Variants in ERBB4 observed in about 807,000 individuals in gnomAD.
The protein encoded by ERBB4 is erb-b2 receptor tyrosine kinase 4, also known as receptor tyrosine-protein kinase erbB-4.
Under a neutral mutation model 158.0 loss-of-function variants are expected in ERBB4, and 42 were observed. The observed-to-expected ratio is 0.27, with a 90% CI of 0.21 to 0.34. The LOEUF is 0.34. Among genes scored for constraint, ERBB4 ranks in the 10% least tolerant of loss-of-function variants. The probability of loss-of-function intolerance (pLI) is 1.00; values close to 1 mark genes in which losing one functional copy is unlikely to be tolerated. For missense variants in ERBB4, 1,333 were observed against 1,624.1 expected (o/e 0.82, Z 3.08); for synonymous variants, 583 against 558.7 (o/e 1.04, Z -0.61).
rs906864097 is a variant in ERBB4, at chr2:211,572,172, T to G, written c.2302-10084A>C. Reference sequence around the variant, plus strand: ...CTGTAAAAATACCGCTTTTTTTAATTAACATATTCTGTTTATGCTACAAAC... The same window carrying G: ...CTGTAAAAATACCGCTTTTTTTAATGAACATATTCTGTTTATGCTACAAAC... On this transcript the variant is annotated intron_variant, in intron 19 of 27. Coordinates refer to ENST00000342788, the MANE Select transcript of ERBB4 (RefSeq NM_005235.3). 2.0e-5 allele frequency among the ~76,000 whole-genome samples: 3 copies of G among 152,310 alleles called. No homozygotes were observed. The South Asian group carries it at 6.2e-4, about 32-fold the overall frequency.
intron 2 of ERBB4, among the ~76,000 whole-genome samples, chr2:212,041,301 C>A (rs2077136239): frequency 6.6e-6 from 1 of 151,820 alleles, no homozygotes; most frequent in Non-Finnish European, 1.5e-5. Context: ...ATAATCTATC[C>A]AGAGGTCTTT....
At chr2:211,462,215 G>T (rs2064553053) in intron 20 of ERBB4, among the ~76,000 whole-genome samples, 1 of 151,856 alleles carries the variant, frequency 6.6e-6, no homozygotes, top group Non-Finnish European at 1.5e-5. Flanking sequence ...AGGGGCAGGG[G>T]TGCTACACAC....
chr2:212,175,127 C>A (rs915094818), intron 1 of ERBB4, among the ~76,000 whole-genome samples: 16 of 152,006 alleles, frequency 1.1e-4, no homozygotes, highest in Non-Finnish European at 2.4e-4. Context: ...CTAAAACTTT[C>A]TTCTAATTTC....
At position 212,322,225 on chromosome 2, in the gene ERBB4, T is replaced by C. The variant is rs182116600; in HGVS notation, c.83-197322A>G. On this transcript the variant is annotated intron_variant, in intron 1 of 27. Coordinates refer to ENST00000342788, the MANE Select transcript of ERBB4 (RefSeq NM_005235.3). ...GGCTTAGGAGAAGACAGAATTGGCC[T>C]GGGTTCTAGACATGTGACTTCGGGC... 1.0e-3 allele frequency among the ~76,000 whole-genome samples: 150 copies of C among 150,566 alleles called. 4 individuals carry two copies. In the East Asian group the frequency reaches 0.021, roughly 21 times the overall value.
intron 3 of ERBB4, among the ~76,000 whole-genome samples, chr2:211,931,718 C>T (rs17414466): frequency 5.3e-5 from 8 of 151,832 alleles, no homozygotes; most frequent in Admixed American, 1.3e-4. Flanking sequence ...AATGAGAATA[C>T]GAATCTTCTG....
chr2:212,380,733 T>C (rs888255266), intron 1 of ERBB4, among the ~76,000 whole-genome samples: 10 of 151,156 alleles, frequency 6.6e-5, no homozygotes, highest in Non-Finnish European at 1.3e-4. Flanking sequence ...TCTTTATCAT[T>C]TATAATTACT....
intron 20 of ERBB4, among the ~76,000 whole-genome samples, chr2:211,507,085 A>G (rs924969823): frequency 6.6e-6 from 1 of 152,184 alleles, no homozygotes; most frequent in African/African-American, 2.4e-5. Flanking sequence ...GAACATGTCT[A>G]TGCACACAAA....
chr2:211,729,346 C>T (rs1464778803), intron 5 of ERBB4, among the ~76,000 whole-genome samples: 1 of 151,562 alleles, frequency 6.6e-6, no homozygotes, highest in East Asian at 1.9e-4. Flanking sequence ...AAGTAAATTA[C>T]ATTCAACTTT....
At chr2:211,557,774 C>T (rs1410614962) in intron 20 of ERBB4, among the ~76,000 whole-genome samples, 1 of 152,108 alleles carries the variant, frequency 6.6e-6, no homozygotes, top group Non-Finnish European at 1.5e-5. Flanking sequence ...TGGGTATATA[C>T]CCACAGGAAT....
At chr2:212,257,037 C>A (rs537466101) in intron 1 of ERBB4, among the ~76,000 whole-genome samples, 1 of 151,986 alleles carries the variant, frequency 6.6e-6, no homozygotes, top group Non-Finnish European at 1.5e-5. Context: ...AGCATAGTAC[C>A]CAATAGGTAG....
intron 2 of ERBB4, among the ~76,000 whole-genome samples, chr2:212,093,017 T>C (rs1165228499): frequency 6.6e-6 from 1 of 152,166 alleles, no homozygotes; most frequent in Non-Finnish European, 1.5e-5. Context: ...TTCTAGGATG[T>C]TACTTCACAT....
intron 20 of ERBB4, among the ~76,000 whole-genome samples, chr2:211,476,554 A>G (rs982320330): frequency 7.2e-6 from 1 of 139,072 alleles, no homozygotes; most frequent in South Asian, 2.2e-4. Flanking sequence ...AAGAAATACT[A>G]TAAATAAAAA....
At chr2:212,282,481 G>A (rs1375182025) in intron 1 of ERBB4, among the ~76,000 whole-genome samples, 4 of 151,884 alleles carry the variant, frequency 2.6e-5, no homozygotes, top group African/African-American at 9.7e-5. Flanking sequence ...AACTCTATTT[G>A]ATTATTCGAC....
chr2:211,751,211 T>G (rs1352312968), intron 4 of ERBB4, among the ~76,000 whole-genome samples: 1 of 152,198 alleles, frequency 6.6e-6, no homozygotes, highest in East Asian at 1.9e-4. Context: ...TAAGCTATAC[T>G]TTTGAAAGCT....
intron 1 of ERBB4, among the ~76,000 whole-genome samples, chr2:212,371,830 A>C (rs1439379651): frequency 6.6e-6 from 1 of 152,144 alleles, no homozygotes; most frequent in African/African-American, 2.4e-5. Context: ...CTCTCCACTT[A>C]AAGAGAAAGA....
chr2:212,208,910 A>G (rs1020786765), intron 1 of ERBB4, among the ~76,000 whole-genome samples: 2 of 152,116 alleles, frequency 1.3e-5, no homozygotes, highest in Admixed American at 1.3e-4. Context: ...ATTCTTTTAT[A>G]CTTTAAGGAA....
At chr2:212,068,826 T>C (rs1334503031) in intron 2 of ERBB4, among the ~76,000 whole-genome samples, 1 of 152,108 alleles carries the variant, frequency 6.6e-6, no homozygotes, top group Non-Finnish European at 1.5e-5. Flanking sequence ...TTAAGCTAAA[T>C]TTGTTGTAAT....
chr2:211,876,477 T>C (rs1466901357), intron 3 of ERBB4, among the ~76,000 whole-genome samples: 1 of 152,152 alleles, frequency 6.6e-6, no homozygotes, highest in African/African-American at 2.4e-5. Flanking sequence ...TTAAAGTTTA[T>C]TCTTTTTAGT....
intron 3 of ERBB4, among the ~76,000 whole-genome samples, chr2:211,833,081 C>T (rs2077260561): frequency 6.6e-6 from 1 of 152,014 alleles, no homozygotes; most frequent in African/African-American, 2.4e-5. Flanking sequence ...GATATAAAAA[C>T]TGCCTGGAAC....
Sources: allele counts gnomAD v4.1 joint callset (sites outside exome capture counted in the v4.1 genomes callset), GRCh38; gene constraint gnomAD v4.1.1; transcripts MANE v1.5; gene names NCBI Gene and HGNC (gene_info 2026-07-23, HGNC 2026-07-21).